The following PDS5B variants were observed in gnomAD, a reference collection of about 807,000 sequenced individuals.
The protein encoded by PDS5B is sister chromatid cohesion protein PDS5 homolog B.
A neutral mutation model predicts 184.1 loss-of-function variants in PDS5B; 51 were observed. That is an observed-to-expected ratio of 0.28 (90% confidence interval 0.22 to 0.35). The LOEUF is 0.35. Among genes scored for constraint, PDS5B ranks in the 10% least tolerant of loss-of-function variants. The pLI is 1.00. For synonymous variants in PDS5B, 566 were observed against 569.2 expected (o/e 0.99, Z 0.08); for missense variants, 1,180 against 1,723.3 (o/e 0.68, Z 5.58).
chr13:32,734,227 A>C (rs4057298), intron 20 of PDS5B, among the ~76,000 whole-genome samples: 48,168 of 151,460 alleles, frequency 0.32, 9,235 homozygotes, highest in Non-Finnish European at 0.44. Flanking sequence ...GGATTCCACC[A>C]TGTTGGCCTG....
intron 6 of PDS5B, among the ~76,000 whole-genome samples, chr13:32,660,115 C>T (rs752966321): frequency 6.6e-6 from 1 of 152,102 alleles, no homozygotes; most frequent in Non-Finnish European, 1.5e-5. Flanking sequence ...CCATCTTGCT[C>T]CTCTTCCCAC....
At chr13:32,768,947 CAAAAAAAAA>C (rs770324221) in intron 31 of PDS5B, among the ~76,000 whole-genome samples, 3 of 84,522 alleles carry the variant, frequency 3.5e-5, no homozygotes, top group East Asian at 4.4e-4. Context: ...TAAAAAAATA[CAAAAAAAAA>C]AAAAAAAAAA....
chr13:32,768,273 C>T (rs1392197859), intron 31 of PDS5B, among the ~76,000 whole-genome samples: 1 of 152,136 alleles, frequency 6.6e-6, no homozygotes, highest in Non-Finnish European at 1.5e-5. Flanking sequence ...CCTGTGTCCT[C>T]ACATGAGAGG....
At chr13:32,767,553 T>A (rs745595090) in intron 31 of PDS5B, among the ~76,000 whole-genome samples, 16 of 152,198 alleles carry the variant, frequency 1.1e-4, no homozygotes, top group Non-Finnish European at 1.8e-4. Flanking sequence ...AAGGGATTAT[T>A]TTCTTCATCA....
intron 1 of PDS5B, among the ~76,000 whole-genome samples, chr13:32,642,609 GCTGTT>G (rs1396031120): frequency 6.6e-6 from 1 of 152,112 alleles, no homozygotes; most frequent in African/African-American, 2.4e-5. Context: ...TCCTTACAAT[GCTGTT>G]CATAAGACTG....
intron 24 of PDS5B, among the ~76,000 whole-genome samples, chr13:32,749,713 G>A (rs982798245): frequency 6.6e-6 from 1 of 152,036 alleles, no homozygotes; most frequent in Non-Finnish European, 1.5e-5. Flanking sequence ...TGGTATTAAT[G>A]GTAGTTTTGA....
intron 1 of PDS5B, among the ~76,000 whole-genome samples, chr13:32,609,866 A>G (rs2058114645): frequency 6.6e-6 from 1 of 151,718 alleles, no homozygotes; most frequent in Non-Finnish European, 1.5e-5. Context: ...GATCTCTAGC[A>G]GAGGCTAAAA....
intron 27 of PDS5B, 73 bp from the exon 28 acceptor site, chr13:32,758,461 G>T: frequency 7.0e-7 from 1 of 1,421,690 alleles, no homozygotes. Context: ...TTCATGTTCT[G>T]AAATTATTCC....
At chr13:32,617,112 C>T (rs2058230900) in intron 1 of PDS5B, among the ~76,000 whole-genome samples, 1 of 152,148 alleles carries the variant, frequency 6.6e-6, no homozygotes, top group Non-Finnish European at 1.5e-5. Context: ...TGTGTCTCAT[C>T]CAAAATTCTG....
intron 19 of PDS5B, among the ~76,000 whole-genome samples, chr13:32,715,804 G>A (rs1357199980): frequency 5.3e-5 from 8 of 151,966 alleles, no homozygotes; most frequent in Non-Finnish European, 8.8e-5. Context: ...GATTGCAGGT[G>A]CGCGCCGCCA....
At chr13:32,589,273 A>T (rs943137403) in intron 1 of PDS5B, among the ~76,000 whole-genome samples, 3 of 152,108 alleles carry the variant, frequency 2.0e-5, no homozygotes, top group Non-Finnish European at 2.9e-5. Context: ...AAGTTTCCCC[A>T]TTGTCTTTTT....
At chr13:32,679,662 A>G (rs1486639630) in intron 10 of PDS5B, among the ~76,000 whole-genome samples, 1 of 152,118 alleles carries the variant, frequency 6.6e-6, no homozygotes, top group Non-Finnish European at 1.5e-5. Context: ...AAATAAATAA[A>G]TAAATGAATA....
rs1951856068 is a variant in PDS5B at position 32,701,345 on chromosome 13, G to A, written c.1763G>A (p.Gly588Asp). The change falls in exon 17 of 35, where the codon GGC becomes GAC. Residue 588 changes from glycine (G) to aspartate (D), a missense_variant. Physicochemically the swap from Gly to Asp is moderately conservative, Grantham distance 94. Around this residue, in one of 11 missense-constraint regions of PDS5B, gnomAD observed 475 missense variants for 691.5 expected, o/e 0.69. Transcript: ENST00000315596. ...CAGCGTGAAATAACTAAGAAGTTGG[G>A]CAACCCCAAACAGCCTACAAATCCT... ...GCVREITKKL[G>D]NPKQPTNPFL... 6.2e-7 allele frequency: 1 copy of A among 1,610,466 alleles called. No homozygotes were observed. Among genetic ancestry groups the A allele is most frequent in the Admixed American group, 1.7e-5 (1 of 59,910 alleles).
chr13:32,662,060 C>T (rs561611480), intron 6 of PDS5B, among the ~76,000 whole-genome samples: 1 of 152,048 alleles, frequency 6.6e-6, no homozygotes, highest in Admixed American at 6.6e-5. Flanking sequence ...TTGGATTGAA[C>T]ATAATCTGGG....
chr13:32,678,269 A>G (rs920732777), intron 9 of PDS5B, among the ~76,000 whole-genome samples: 1 of 152,210 alleles, frequency 6.6e-6, no homozygotes, highest in Non-Finnish European at 1.5e-5. Context: ...GGATACATAC[A>G]TATTTACAGA....
Position 32,713,505 on chromosome 13 carries a change from A to G in PDS5B, c.2123+3399A>G, listed in dbSNP as rs1179302997. Among the ~76,000 whole-genome samples the G allele has an allele frequency of 3.9e-5, 6 of 152,340 alleles. No individual in the cohort carries two copies. In the East Asian group the frequency reaches 5.8e-4, roughly 15 times the overall value. ...AAAGATAACAAAAATGAAGTAATAC[A>G]TGAAAAAGAGCTAAGGATATTGACT... On this transcript the variant is annotated intron_variant, in intron 19 of 34. Coordinates refer to ENST00000315596, the MANE Select transcript of PDS5B (RefSeq NM_015032.4).
intron 29 of PDS5B, among the ~76,000 whole-genome samples, chr13:32,760,106 CCACCACG>C (rs1242502463): frequency 1.3e-5 from 2 of 152,094 alleles, no homozygotes; most frequent in Admixed American, 1.3e-4. Context: ...CAGGTGCCTG[CCACCACG>C]CCTGGCTAAT....
chr13:32,747,340 G>C (rs1953785868), intron 24 of PDS5B, among the ~76,000 whole-genome samples: 1 of 151,870 alleles, frequency 6.6e-6, no homozygotes, highest in Non-Finnish European at 1.5e-5. Flanking sequence ...CTTTATTCTA[G>C]TACATATTTT....
At chr13:32,591,075 A>G (rs2057767903) in intron 1 of PDS5B, among the ~76,000 whole-genome samples, 1 of 152,018 alleles carries the variant, frequency 6.6e-6, no homozygotes, top group African/African-American at 2.4e-5. Context: ...AAATTGTACA[A>G]AGAGTATTGT....
Sources: allele counts gnomAD v4.1 joint callset (sites outside exome capture counted in the v4.1 genomes callset), GRCh38; gene constraint gnomAD v4.1.1; regional missense constraint gnomAD v4.1.1; transcripts MANE v1.5; gene names NCBI Gene and HGNC (gene_info 2026-07-23, HGNC 2026-07-21).